Variants in P2RY14 observed in about 807,000 individuals in gnomAD.
P2RY14 encodes the protein P2Y purinoceptor 14.
P2RY14 carries 2 observed loss-of-function variants against 0.9 expected under a neutral mutation model. The observed-to-expected ratio is 2.16, with a 90% CI of 0.88 to 6.79. P2RY14 has a LOEUF of 6.79. Among genes scored for constraint, P2RY14 ranks in the 30% most tolerant of loss-of-function variants. P2RY14 has a pLI of 0.05. For synonymous variants in P2RY14, 158 were observed against 147.2 expected, an observed-to-expected ratio of 1.07 and a Z score of -0.53; for missense variants, 378 against 400.1, an observed-to-expected ratio of 0.94 and a Z score of 0.47.
At position 151,214,348 on chromosome 3, in the gene P2RY14, G is replaced by A. The variant is rs767349172; in HGVS notation, c.-24-8C>T. The A allele has an allele frequency of 4.4e-6, 7 of 1,592,874 alleles. No homozygotes were observed. In the African/African-American group the frequency reaches 9.4e-5, roughly 21 times the overall value. ...ACTTCTGAAGGCAGAGGCCTGAAAA[G>A]AGGTGTGAACTGGTCACTCATAGGG... On this transcript the variant is annotated splice_polypyrimidine_tract_variant and splice_region_variant and intron_variant, in intron 2 of 2. Coordinates refer to ENST00000309170, the MANE Select transcript of P2RY14 (RefSeq NM_014879.4).
intron 1 of P2RY14, chr3:151,269,718 T>G: frequency 2.4e-6 from 1 of 421,856 alleles, no homozygotes; most frequent in Non-Finnish European, 4.6e-6. Flanking sequence ...ATCTTTAGTT[T>G]GAAAATAAAG....
chr3:151,266,555 C>T (rs1019055151), intron 1 of P2RY14, among the ~76,000 whole-genome samples: 3 of 152,158 alleles, frequency 2.0e-5, no homozygotes, highest in Non-Finnish European at 1.5e-5. Flanking sequence ...TCCACCTTAG[C>T]GTTAGCTATA....
chr3:151,273,227 CTTT>C (rs63035061), intron 1 of P2RY14, among the ~76,000 whole-genome samples: 2 of 106,158 alleles, frequency 1.9e-5, no homozygotes. Context: ...TTGTTGTGTT[CTTT>C]TTTTTTTTTT....
intron 1 of P2RY14, chr3:151,248,771 A>T (rs957526520): frequency 1.3e-5 from 2 of 152,170 alleles, no homozygotes; most frequent in African/African-American, 4.8e-5. Context: ...TTAAAAAAAA[A>T]TTTAGGATGT....
At chr3:151,224,444 C>T (rs1730068905) in intron 1 of P2RY14, among the ~76,000 whole-genome samples, 1 of 150,818 alleles carries the variant, frequency 6.6e-6, no homozygotes, top group Non-Finnish European at 1.5e-5. Flanking sequence ...TAATGTTTAA[C>T]ACTTTTTTTT....
chr3:151,246,402 G>A (rs980555648), intron 1 of P2RY14, among the ~76,000 whole-genome samples: 10 of 152,000 alleles, frequency 6.6e-5, no homozygotes, highest in Admixed American at 4.6e-4. Context: ...AAAACAGCAT[G>A]GTACTGGTAC....
chr3:151,260,711 T>A (rs1738706138), intron 1 of P2RY14, among the ~76,000 whole-genome samples: 2 of 152,204 alleles, frequency 1.3e-5, no homozygotes, highest in South Asian at 2.1e-4. Flanking sequence ...CGGCTTTGTT[T>A]CCCAGTGATC....
At chr3:151,229,707 C>T (rs559644788) in intron 1 of P2RY14, among the ~76,000 whole-genome samples, 44 of 151,992 alleles carry the variant, frequency 2.9e-4, no homozygotes, top group South Asian at 2.3e-3. Context: ...CCTCGTGATC[C>T]GCCTGCCTCG....
intron 1 of P2RY14, among the ~76,000 whole-genome samples, chr3:151,251,732 C>T (rs1736896209): frequency 6.6e-6 from 1 of 152,174 alleles, no homozygotes; most frequent in Non-Finnish European, 1.5e-5. Context: ...AAGATCTTTC[C>T]TCTGCCTAGA....
intron 1 of P2RY14, among the ~76,000 whole-genome samples, chr3:151,226,406 A>G (rs1730500493): frequency 6.6e-6 from 1 of 152,200 alleles, no homozygotes; most frequent in Non-Finnish European, 1.5e-5. Context: ...ACAAATGAGG[A>G]CAGTGATGCT....
At chr3:151,242,258 G>A (rs1404708954) in intron 1 of P2RY14, among the ~76,000 whole-genome samples, 1 of 152,258 alleles carries the variant, frequency 6.6e-6, no homozygotes, top group East Asian at 1.9e-4. Flanking sequence ...AGCTCAAACT[G>A]GGCGGAGCCC....
chr3:151,257,131 T>G (rs1197809284), intron 1 of P2RY14, among the ~76,000 whole-genome samples: 1 of 152,220 alleles, frequency 6.6e-6, no homozygotes, highest in East Asian at 1.9e-4. Context: ...TTTGAGCTGT[T>G]AAGTTTTCTA....
chr3:151,253,068 G>T (rs1737146523), intron 1 of P2RY14, among the ~76,000 whole-genome samples: 1 of 152,114 alleles, frequency 6.6e-6, no homozygotes, highest in Admixed American at 6.5e-5. Flanking sequence ...CCTGTCTTTT[G>T]AGTTCAACAC....
intron 1 of P2RY14, among the ~76,000 whole-genome samples, chr3:151,261,727 T>G (rs1577161882): frequency 1.7e-5 from 2 of 118,132 alleles, no homozygotes; most frequent in South Asian, 2.5e-4. Context: ...GTTTTGTTTT[T>G]GTTGTGTTGT....
At chr3:151,231,515 A>G (rs954255736) in intron 1 of P2RY14, among the ~76,000 whole-genome samples, 2 of 152,250 alleles carry the variant, frequency 1.3e-5, no homozygotes, top group Non-Finnish European at 1.5e-5. Context: ...AACTGTATCA[A>G]AAATCTTCAA....
chr3:151,217,358 C>G (rs540007801), intron 2 of P2RY14, among the ~76,000 whole-genome samples: 1 of 152,304 alleles, frequency 6.6e-6, no homozygotes, highest in South Asian at 2.1e-4. Flanking sequence ...AGGTCCAGAA[C>G]TCTGCTCTCA....
intron 1 of P2RY14, among the ~76,000 whole-genome samples, chr3:151,241,201 A>G (rs561448918): frequency 9.2e-5 from 14 of 152,292 alleles, no homozygotes; most frequent in Admixed American, 3.3e-4. Flanking sequence ...TTTTGAGACT[A>G]TATCTCTTTA....
At chr3:151,216,203 A>G (rs1043675327) in intron 2 of P2RY14, among the ~76,000 whole-genome samples, 1 of 152,220 alleles carries the variant, frequency 6.6e-6, no homozygotes, top group African/African-American at 2.4e-5. Context: ...ATATTTGTGA[A>G]ATAAATGAAT....
chr3:151,276,550 C>T lies in P2RY14; in HGVS notation c.-133+1737G>A, dbSNP rs544583282. Among the ~76,000 whole-genome samples, 22 of 152,224 alleles carry T rather than the reference C, an allele frequency of 1.4e-4. No individual in the cohort carries two copies. The South Asian group carries it at 4.6e-3, about 32-fold the overall frequency. Reference sequence around the variant, plus strand: ...GAGGTTGAAACAGCTCACTTGTGACCGACCTAACTTCTAAGGATATCCTGG... The same window carrying T: ...GAGGTTGAAACAGCTCACTTGTGACTGACCTAACTTCTAAGGATATCCTGG... On this transcript the variant is annotated intron_variant, in intron 1 of 2. Transcript: ENST00000309170.
Sources: allele counts gnomAD v4.1 joint callset (sites outside exome capture counted in the v4.1 genomes callset), GRCh38; gene constraint gnomAD v4.1.1; transcripts MANE v1.5; gene names NCBI Gene and HGNC (gene_info 2026-07-23, HGNC 2026-07-21).